GRID2: variants seen among roughly 807,000 people sequenced by gnomAD.
GRID2 encodes glutamate receptor ionotropic, delta-2.
GRID2 carries 33 observed loss-of-function variants against 114.8 expected under a neutral mutation model. The observed-to-expected ratio is 0.29, with a 90% confidence interval of 0.22 to 0.38. The LOEUF (loss-of-function observed/expected upper bound fraction) is 0.38, where lower values mean the gene tolerates loss of function less well. GRID2 is among the 10% of genes least tolerant of loss of function. GRID2 has a pLI of 1.00. For missense variants in GRID2, 1,184 were observed against 1,257.7 expected, an observed-to-expected ratio of 0.94 and a Z score of 0.89; for synonymous variants, 505 against 449.9, an observed-to-expected ratio of 1.12 and a Z score of -1.55.
At chr4:92,904,465 A>G (rs1747807810) in intron 2 of GRID2, among the ~76,000 whole-genome samples, 1 of 151,898 alleles carries the variant, frequency 6.6e-6, no homozygotes, top group South Asian at 2.1e-4. Flanking sequence ...GTGTACTGTG[A>G]GTTTGGATAT....
At chr4:92,397,162 T>C (rs1212725953) in intron 1 of GRID2, among the ~76,000 whole-genome samples, 1 of 152,048 alleles carries the variant, frequency 6.6e-6, no homozygotes, top group African/African-American at 2.4e-5. Flanking sequence ...AGAACAATAT[T>C]ACAATTATTA....
chr4:93,137,783 CAT>C (rs1735397140), intron 4 of GRID2, among the ~76,000 whole-genome samples: 1 of 151,994 alleles, frequency 6.6e-6, no homozygotes, highest in Non-Finnish European at 1.5e-5. Flanking sequence ...GAAATCAAAA[CAT>C]GTGGGACCAC....
intron 2 of GRID2, among the ~76,000 whole-genome samples, chr4:92,855,949 G>A (rs1434200660): frequency 6.6e-6 from 1 of 151,976 alleles, no homozygotes; most frequent in Non-Finnish European, 1.5e-5. Context: ...CATGTCACGC[G>A]ATGTTTCAGG....
intron 13 of GRID2, among the ~76,000 whole-genome samples, chr4:93,601,908 G>T (rs1224149619): frequency 6.6e-6 from 1 of 152,126 alleles, no homozygotes; most frequent in Non-Finnish European, 1.5e-5. Context: ...AAGTTAGTGA[G>T]ATACTGAATT....
At chr4:93,129,467 G>A (rs576194418) in intron 4 of GRID2, among the ~76,000 whole-genome samples, 3 of 152,006 alleles carry the variant, frequency 2.0e-5, no homozygotes, top group African/African-American at 7.2e-5. Context: ...TTCTGGCATC[G>A]AGATTTTTAT....
intron 13 of GRID2, among the ~76,000 whole-genome samples, chr4:93,517,367 G>A (rs1234796890): frequency 6.6e-6 from 1 of 151,900 alleles, no homozygotes; most frequent in Non-Finnish European, 1.5e-5. Context: ...TGATAAGGAG[G>A]GCTAATGAGT....
chr4:93,604,457 T>C (rs988526744), intron 13 of GRID2, among the ~76,000 whole-genome samples: 3 of 152,208 alleles, frequency 2.0e-5, no homozygotes, highest in African/African-American at 7.2e-5. Context: ...AGATGGAATC[T>C]ACTCTTGGTG....
At chr4:92,531,473 T>A (rs533616285) in intron 1 of GRID2, among the ~76,000 whole-genome samples, 1 of 152,220 alleles carries the variant, frequency 6.6e-6, no homozygotes, top group South Asian at 2.1e-4. Context: ...GAAATAAAGT[T>A]ATTGGAAGGT....
intron 2 of GRID2, among the ~76,000 whole-genome samples, chr4:92,616,712 G>T (rs1197174362): frequency 6.6e-6 from 1 of 151,446 alleles, no homozygotes; most frequent in Non-Finnish European, 1.5e-5. Context: ...TGTATTTGTT[G>T]ACTACAGGGA....
chr4:92,740,690 TG>T (rs1736833827), intron 2 of GRID2, among the ~76,000 whole-genome samples: 13 of 121,224 alleles, frequency 1.1e-4, no homozygotes, highest in African/African-American at 4.0e-4. Flanking sequence ...GATAGATAGA[TG>T]ATAGATAGAT....
chr4:92,745,508 T>C (rs1432866290), intron 2 of GRID2, among the ~76,000 whole-genome samples: 2 of 152,306 alleles, frequency 1.3e-5, no homozygotes, highest in South Asian at 2.1e-4. Flanking sequence ...GGACAGTTGT[T>C]CTACTCCTGA....
chr4:93,077,909 A>G (rs1231588792), intron 2 of GRID2, among the ~76,000 whole-genome samples: 1 of 152,236 alleles, frequency 6.6e-6, no homozygotes, highest in Non-Finnish European at 1.5e-5. Flanking sequence ...CTGAAAAGCT[A>G]CATAACTCAT....
chr4:92,530,735 TAAAAAAAAAAA>T (rs143078058), intron 1 of GRID2, among the ~76,000 whole-genome samples: 2 of 126,616 alleles, frequency 1.6e-5, no homozygotes, highest in Admixed American at 1.6e-4. Context: ...CCCCCTCTAC[TAAAAAAAAAAA>T]AAAAAAAAAA....
At chr4:93,367,099 C>G (rs1416973472) in intron 8 of GRID2, among the ~76,000 whole-genome samples, 2 of 151,698 alleles carry the variant, frequency 1.3e-5, no homozygotes, top group Non-Finnish European at 2.9e-5. Context: ...GCTTTTGAAT[C>G]TATCCCCAAT....
intron 4 of GRID2, among the ~76,000 whole-genome samples, chr4:93,164,121 G>T (rs1412803420): frequency 6.6e-6 from 1 of 151,760 alleles, no homozygotes; most frequent in South Asian, 2.1e-4. Flanking sequence ...CTGGCTAGAT[G>T]AGAGATGTGT....
chr4:93,112,865 G>A lies in GRID2; in HGVS notation c.735+1912G>A, dbSNP rs945392449. ...TTTTCTTCTCTTCGTGTTTGTTTGT[G>A]TATCCAAATTTCCTTTTTCTATAAG... On this transcript the variant is annotated intron_variant, in intron 4 of 15. Transcript: ENST00000282020. Among the ~76,000 whole-genome samples, 3 of 152,214 alleles carry A rather than the reference G, an allele frequency of 2.0e-5. No homozygotes were observed. The East Asian group carries it at 5.8e-4, about 30-fold the overall frequency.
At chr4:93,300,582 A>G (rs998126615) in intron 8 of GRID2, among the ~76,000 whole-genome samples, 21 of 152,204 alleles carry the variant, frequency 1.4e-4, no homozygotes, top group Admixed American at 1.1e-3. Flanking sequence ...ATATCTTACT[A>G]TTATTAGGAA....
intron 2 of GRID2, among the ~76,000 whole-genome samples, chr4:92,824,800 T>G (rs1417510601): frequency 6.6e-6 from 1 of 152,086 alleles, no homozygotes; most frequent in Non-Finnish European, 1.5e-5. Flanking sequence ...AACATTAAAC[T>G]TTACCTTTAG....
intron 9 of GRID2, among the ~76,000 whole-genome samples, chr4:93,407,409 AG>A (rs1298295861): frequency 1.3e-5 from 2 of 152,160 alleles, no homozygotes; most frequent in Non-Finnish European, 2.9e-5. Context: ...AAAGGAAGGA[AG>A]GTAATATACT....
Sources: gnomAD v4.1 joint callset for allele counts (sites outside exome capture counted in the v4.1 genomes callset) on GRCh38, gnomAD v4.1.1 for gene constraint, MANE v1.5 for transcripts, NCBI Gene and HGNC (gene_info 2026-07-23, HGNC 2026-07-21) for gene names.